CARMIL1: variants seen among roughly 807,000 people sequenced by gnomAD.
The protein encoded by CARMIL1 is F-actin-uncapping protein LRRC16A.
Under a neutral mutation model 177.1 loss-of-function variants are expected in CARMIL1, and 90 were observed. That is an observed-to-expected ratio of 0.51 (90% confidence interval 0.43 to 0.61). The LOEUF is 0.61. Among genes scored for constraint, CARMIL1 ranks in the 20% least tolerant of loss-of-function variants. The probability of loss-of-function intolerance (pLI) is 0.00; values close to 1 mark genes in which losing one functional copy is unlikely to be tolerated. For synonymous variants in CARMIL1, 577 were observed against 606.2 expected (o/e 0.95, Z 0.71); for missense variants, 1,380 against 1,667.0 (o/e 0.83, Z 3.00).
At chr6:25,568,159 A>G (rs1811717477) in intron 29 of CARMIL1, among the ~76,000 whole-genome samples, 2 of 152,250 alleles carry the variant, frequency 1.3e-5, no homozygotes, top group Non-Finnish European at 2.9e-5. Flanking sequence ...AATTACTTCC[A>G]TGCTCCAAAT....
At position 25,509,312 on chromosome 6, in the gene CARMIL1, A is replaced by G. The variant is rs116107641; in HGVS notation, c.1396-344A>G. Among the ~76,000 whole-genome samples, 205 of 152,316 alleles carry G rather than the reference A, an allele frequency of 1.3e-3. No homozygotes were observed. The highest frequency in any genetic ancestry group is 4.4e-3 in the African/African-American group (181 of 41,578). ...AGTAACTTTCTCATGTATAAAATGA[A>G]TTTATTAAATTTCCAAAAGTCAGAA... On this transcript the variant is annotated intron_variant, in intron 17 of 36. Coordinates refer to ENST00000329474, the MANE Select transcript of CARMIL1 (RefSeq NM_017640.6). The surrounding 1 kb of genome is among the most constrained non-coding windows in gnomAD (Gnocchi z 4.1).
intron 27 of CARMIL1, among the ~76,000 whole-genome samples, chr6:25,552,697 CTCTA>C (rs1810228829): frequency 6.6e-6 from 1 of 152,126 alleles, no homozygotes; most frequent in Non-Finnish European, 1.5e-5. Context: ...GTTTTTAAGA[CTCTA>C]TCTTTTTTTG....
chr6:25,434,794 C>G (rs969511982), intron 4 of CARMIL1, among the ~76,000 whole-genome samples: 1 of 152,134 alleles, frequency 6.6e-6, no homozygotes, highest in Non-Finnish European at 1.5e-5. Flanking sequence ...TTGTGATCCG[C>G]CTGCCTTGGC....
In CARMIL1 at chr6:25,554,594, T is replaced by G. The variant is rs78000132; in HGVS notation, c.2592+498T>G. Among the ~76,000 whole-genome samples the G allele has an allele frequency of 1.8e-3, 277 of 152,236 alleles. No homozygotes were observed. The highest frequency in any genetic ancestry group is 6.0e-3 in the African/African-American group (248 of 41,550). On this transcript the variant is annotated intron_variant, in intron 28 of 36. Coordinates refer to ENST00000329474, the MANE Select transcript of CARMIL1 (RefSeq NM_017640.6). The surrounding 1 kb of genome is among the most constrained non-coding windows in gnomAD (Gnocchi z 4.6). ...ATAACCAAGGTAAAAAAAAAATTTCTTCATCTAGAGACTGGTTCTGCCTCA... is the reference window on the plus strand; with the variant it reads ...ATAACCAAGGTAAAAAAAAAATTTCGTCATCTAGAGACTGGTTCTGCCTCA...
chr6:25,424,930 G>C (rs1211914108), intron 3 of CARMIL1, among the ~76,000 whole-genome samples: 3 of 152,162 alleles, frequency 2.0e-5, no homozygotes, highest in Admixed American at 2.0e-4. Flanking sequence ...TTAACTCAAA[G>C]AAAAACTTTG....
intron 27 of CARMIL1, among the ~76,000 whole-genome samples, chr6:25,552,702 T>C (rs1411571095): frequency 6.6e-6 from 1 of 152,176 alleles, no homozygotes; most frequent in Non-Finnish European, 1.5e-5. Context: ...TAAGACTCTA[T>C]CTTTTTTTGG....
At chr6:25,537,293 A>G (rs998896371) in intron 24 of CARMIL1, among the ~76,000 whole-genome samples, 10 of 152,206 alleles carry the variant, frequency 6.6e-5, no homozygotes, top group Non-Finnish European at 1.5e-5. Context: ...GTGGCTCTTA[A>G]TTTACAAAGA....
chr6:25,607,354 AATAG>A (rs1380555241), intron 35 of CARMIL1, among the ~76,000 whole-genome samples: 4 of 152,194 alleles, frequency 2.6e-5, no homozygotes, highest in African/African-American at 7.2e-5. Flanking sequence ...CAGGGATAAA[AATAG>A]ATAGTCAGAT....
intron 2 of CARMIL1, among the ~76,000 whole-genome samples, chr6:25,309,327 C>T (rs1783564699): frequency 7.4e-6 from 1 of 135,544 alleles, no homozygotes; most frequent in Non-Finnish European, 1.5e-5. Flanking sequence ...TGCACTCCAG[C>T]TTGGGTAACA....
At chr6:25,395,266 G>A (rs192917203) in intron 2 of CARMIL1, among the ~76,000 whole-genome samples, 1 of 152,190 alleles carries the variant, frequency 6.6e-6, no homozygotes, top group African/African-American at 2.4e-5. Flanking sequence ...GGACGTACAG[G>A]ATACAGAAAC....
At chr6:25,617,011 G>A (rs1759318174) in intron 36 of CARMIL1, among the ~76,000 whole-genome samples, 2 of 152,170 alleles carry the variant, frequency 1.3e-5, no homozygotes, top group African/African-American at 4.8e-5. Context: ...ACAATTGGTA[G>A]AGTTTAATCA....
intron 2 of CARMIL1, among the ~76,000 whole-genome samples, chr6:25,388,494 G>A (rs1474278949): frequency 1.3e-5 from 2 of 152,108 alleles, no homozygotes; most frequent in Non-Finnish European, 2.9e-5. Flanking sequence ...CTCCTGAGTA[G>A]CTGGGATTAC....
intron 10 of CARMIL1, among the ~76,000 whole-genome samples, chr6:25,472,010 C>T (rs963676634): frequency 2.6e-5 from 4 of 152,022 alleles, no homozygotes; most frequent in African/African-American, 9.7e-5. Flanking sequence ...GCAATTGTAA[C>T]CTTTAAACTT....
chr6:25,327,139 C>A (rs1785191799), intron 2 of CARMIL1, among the ~76,000 whole-genome samples: 2 of 128,464 alleles, frequency 1.6e-5, no homozygotes, highest in African/African-American at 6.6e-5. Flanking sequence ...GTATTTAAAG[C>A]AATTGAAATA....
At chr6:25,364,330 G>T (rs1245320089) in intron 2 of CARMIL1, among the ~76,000 whole-genome samples, 1 of 152,076 alleles carries the variant, frequency 6.6e-6, no homozygotes, top group Non-Finnish European at 1.5e-5. Flanking sequence ...GTGAAAATTT[G>T]TGTGACCACC....
At chr6:25,343,128 A>G (rs1787118101) in intron 2 of CARMIL1, among the ~76,000 whole-genome samples, 1 of 152,350 alleles carries the variant, frequency 6.6e-6, no homozygotes, top group African/African-American at 2.4e-5. Context: ...TATAGTATCC[A>G]GTGACCAGTG....
chr6:25,288,478 GTTTT>G (rs370669890), intron 2 of CARMIL1, among the ~76,000 whole-genome samples: 1 of 133,510 alleles, frequency 7.5e-6, no homozygotes, highest in African/African-American at 2.8e-5. Flanking sequence ...TAAGAATCAG[GTTTT>G]TTTTTTTTTT....
intron 32 of CARMIL1, among the ~76,000 whole-genome samples, chr6:25,594,910 G>A (rs1203072681): frequency 3.9e-5 from 6 of 152,114 alleles, no homozygotes; most frequent in Non-Finnish European, 7.4e-5. Context: ...TCCATTACAG[G>A]GTAATGATCA....
chr6:25,332,742 T>TACACACACACACACACACACAC (rs35133749), intron 2 of CARMIL1, among the ~76,000 whole-genome samples: 26 of 140,080 alleles, frequency 1.9e-4, no homozygotes, highest in Non-Finnish European at 3.1e-4. Flanking sequence ...CAAACATGCA[T>TACACACACACACACACACACAC]ACACACACAC....
Sources: allele counts gnomAD v4.1 joint callset (sites outside exome capture counted in the v4.1 genomes callset), GRCh38; gene constraint gnomAD v4.1.1; non-coding constraint Gnocchi (gnomAD v3.1); transcripts MANE v1.5; gene names NCBI Gene and HGNC (gene_info 2026-07-23, HGNC 2026-07-21).